Variants in B4GALT4 observed in about 807,000 individuals in gnomAD.
B4GALT4 encodes N-acetyllactosamine synthase.
In B4GALT4, 27 loss-of-function variants were observed where a neutral mutation model predicts 37.3. That is an observed-to-expected ratio of 0.72 (90% confidence interval 0.53 to 1.00). B4GALT4 has a LOEUF of 1.00. B4GALT4 is among the 50% of genes least tolerant of loss of function. B4GALT4 has a pLI of 0.00. For missense variants in B4GALT4, 372 were observed against 413.1 expected, an observed-to-expected ratio of 0.90 and a Z score of 0.86; for synonymous variants, 148 against 154.1, an observed-to-expected ratio of 0.96 and a Z score of 0.29.
intron 6 of B4GALT4, among the ~76,000 whole-genome samples, chr3:119,217,377 T>C (rs982201433): frequency 6.6e-6 from 1 of 152,198 alleles, no homozygotes; most frequent in Non-Finnish European, 1.5e-5. Flanking sequence ...CGGCCATTTC[T>C]GTAGAGCCCC....
At position 119,229,964 on chromosome 3, in the gene B4GALT4, C is replaced by T; in HGVS notation, c.136G>A (p.Glu46Lys). 6.2e-7 allele frequency: 1 copy of T among 1,614,136 alleles called. No homozygotes were observed. The highest frequency in any genetic ancestry group is 8.5e-7 in the Non-Finnish European group (1 of 1,180,042). Residue 46 changes from glutamate to lysine, a missense_variant, in exon 3 of 8, where the codon GAG becomes AAG. Coordinates refer to ENST00000393765, the MANE Select transcript of B4GALT4 (RefSeq NM_003778.4). ...GAIQEIPKAK[E>K]FMANFHKTLI... is the part of the protein sequence containing the mutation. Reference sequence around the variant, plus strand: ...GTCTTATGGAAATTAGCCATGAACTCCTTTGCTTTAGGAATCTCTTGAATG... The same window carrying T: ...GTCTTATGGAAATTAGCCATGAACTTCTTTGCTTTAGGAATCTCTTGAATG...
Position 119,225,731 on chromosome 3 carries a change from T to C in B4GALT4, c.486+1078A>G, listed in dbSNP as rs947651278. ...GGCCTGGCCCAAAGCAAACATGTTT[T>C]TCTATTCATAAAAATAGTACTATAC... On this transcript the variant is annotated intron_variant, in intron 4 of 7. Transcript: ENST00000393765. Among the ~76,000 whole-genome samples, 3 of 152,320 alleles carry C rather than the reference T, an allele frequency of 2.0e-5. No homozygotes were observed. In the East Asian group the frequency reaches 5.8e-4, roughly 29 times the overall value.
At chr3:119,224,715 TCA>T (rs1181578486) in intron 4 of B4GALT4, among the ~76,000 whole-genome samples, 2 of 152,196 alleles carry the variant, frequency 1.3e-5, no homozygotes, top group African/African-American at 4.8e-5. Context: ...ATCGTGTGTT[TCA>T]CAATTAAAAA....
intron 3 of B4GALT4, among the ~76,000 whole-genome samples, chr3:119,229,131 C>T (rs561572836): frequency 2.0e-5 from 3 of 152,308 alleles, no homozygotes; most frequent in African/African-American, 7.2e-5. Context: ...TAGTTTTGGC[C>T]AAAGGAATAC....
Position 119,212,674 on chromosome 3 carries a change from G to T in B4GALT4, c.910C>A (p.Leu304Ile). 6.3e-7 allele frequency: 1 copy of T among 1,594,596 alleles called. No homozygotes were observed. The highest frequency in any genetic ancestry group is 8.5e-7 in the Non-Finnish European group (1 of 1,174,776). Reference sequence around the variant, plus strand: ...CAGACTCGTGACACTTGGTGTAAGAGCTTCATCCTAAAGATAAAAAGAACA... The same window carrying T: ...CAGACTCGTGACACTTGGTGTAAGATCTTCATCCTAAAGATAAAAAGAACA... ...GNEVNAERMK[L>I]LHQVSRVWRT... is the part of the protein sequence containing the mutation. The change falls in exon 8 of 8, where the codon CTC becomes ATC. Residue 304 changes from leucine (L) to isoleucine (I), a missense_variant. By Grantham distance (5) the Leu-to-Ile change is conservative. Transcript: ENST00000393765.
intron 5 of B4GALT4, among the ~76,000 whole-genome samples, chr3:119,219,619 G>A (rs1302927362): frequency 2.6e-5 from 4 of 152,224 alleles, no homozygotes; most frequent in African/African-American, 9.7e-5. Context: ...TCTAGTTGGT[G>A]AGAAGAGTAC....
chr3:119,221,735 T>G (rs1401043463), intron 5 of B4GALT4, among the ~76,000 whole-genome samples: 3 of 152,224 alleles, frequency 2.0e-5, no homozygotes, highest in African/African-American at 7.2e-5. Context: ...CAAATAAGAT[T>G]CTTTTCAATT....
chr3:119,225,070 G>A (rs892797323), intron 4 of B4GALT4, among the ~76,000 whole-genome samples: 2 of 152,158 alleles, frequency 1.3e-5, no homozygotes, highest in Non-Finnish European at 2.9e-5. Context: ...GAAAGTTATT[G>A]CTAATATTTC....
chr3:119,231,217 C>G (rs1315934276), intron 2 of B4GALT4, among the ~76,000 whole-genome samples: 1 of 152,144 alleles, frequency 6.6e-6, no homozygotes, highest in Non-Finnish European at 1.5e-5. Flanking sequence ...GGGGGCTATG[C>G]TCTTAATTAT....
intron 7 of B4GALT4, chr3:119,215,833 T>C (rs1222052484): frequency 6.6e-6 from 1 of 152,508 alleles, no homozygotes; most frequent in Non-Finnish European, 1.5e-5. Context: ...GTTTTAAAAA[T>C]AAAAAAGTAC....
At chr3:119,223,618 T>C (rs1282546658) in intron 5 of B4GALT4, among the ~76,000 whole-genome samples, 1 of 151,648 alleles carries the variant, frequency 6.6e-6, no homozygotes, top group Non-Finnish European at 1.5e-5. Flanking sequence ...CTCCCCCACC[T>C]CTCCCCATAC....
Position 119,212,098 on chromosome 3 carries a change from G to C in B4GALT4, c.*451C>G. 4.3e-6 allele frequency: 3 copies of C among 702,236 alleles called. No individual in the cohort carries two copies. Among genetic ancestry groups the C allele is most frequent in the Non-Finnish European group, 7.8e-6 (3 of 384,650 alleles). 43.5% of individuals were successfully genotyped at this position (702,236 alleles called of 1,614,324 possible). ...TGACACCACCACTTCACAGATGATT[G>C]TACAGGATAAATGAATAACAGTATT... On this transcript the variant is annotated 3_prime_UTR_variant, in exon 8 of 8. Transcript: ENST00000393765.
chr3:119,224,537 T>C (rs185872369), intron 4 of B4GALT4, among the ~76,000 whole-genome samples: 56 of 152,290 alleles, frequency 3.7e-4, no homozygotes, highest in African/African-American at 1.2e-3. Flanking sequence ...GTTCTGGAGA[T>C]TGATTTCATA....
chr3:119,237,255 G>A (rs1050915980), intron 1 of B4GALT4, among the ~76,000 whole-genome samples, 185 bp from the exon 2 acceptor site: 1 of 141,096 alleles, frequency 7.1e-6, no homozygotes, highest in Non-Finnish European at 1.5e-5. Flanking sequence ...CAGTCATTAG[G>A]GGCACCTCAC....
Position 119,212,501 on chromosome 3 carries a change from T to C in B4GALT4, c.*48A>G, listed in dbSNP as rs1179604482. 3 of 1,539,568 alleles carry C rather than the reference T, an allele frequency of 1.9e-6. No homozygotes were observed. Among genetic ancestry groups the C allele is most frequent in the South Asian group, 1.3e-5 (1 of 77,782 alleles). On this transcript the variant is annotated 3_prime_UTR_variant, in exon 8 of 8. Coordinates refer to ENST00000393765, the MANE Select transcript of B4GALT4 (RefSeq NM_003778.4). Reference sequence around the variant, plus strand: ...ATTTGAAGTCTCTAGGCCAAAATTATTGCAAACAAAGAATCAGTTCTTCCA... The same window carrying C: ...ATTTGAAGTCTCTAGGCCAAAATTACTGCAAACAAAGAATCAGTTCTTCCA...
intron 6 of B4GALT4, 53 bp from the exon 7 acceptor site, chr3:119,216,397 G>A (rs1297938330): frequency 3.4e-6 from 5 of 1,460,238 alleles, no homozygotes; most frequent in East Asian, 2.3e-5. Flanking sequence ...TCTACCACTA[G>A]GCAAATAAAA....
chr3:119,224,016 T>G, intron 5 of B4GALT4, 42 bp downstream of exon 5: 2 of 1,558,358 alleles, frequency 1.3e-6, no homozygotes, highest in Non-Finnish European at 1.7e-6. Flanking sequence ...TCACAATAGT[T>G]GAGCTTCTCG....
At chr3:119,214,402 G>A (rs2107455810) in intron 7 of B4GALT4, 1 of 152,284 alleles carries the variant, frequency 6.6e-6, no homozygotes. Flanking sequence ...ATAAGAACTG[G>A]CTTATCTGCC....
chr3:119,231,958 A>C (rs2078838632), intron 2 of B4GALT4, among the ~76,000 whole-genome samples: 1 of 151,608 alleles, frequency 6.6e-6, no homozygotes, highest in South Asian at 2.1e-4. Flanking sequence ...ATGAAAACAA[A>C]GTGAATTTTT....
Sources: gnomAD v4.1 joint callset for allele counts (sites outside exome capture counted in the v4.1 genomes callset) on GRCh38, gnomAD v4.1.1 for gene constraint, MANE v1.5 for transcripts, NCBI Gene and HGNC (gene_info 2026-07-23, HGNC 2026-07-21) for gene names.